The following CLDN14 variants were observed in gnomAD, a reference collection of about 807,000 sequenced individuals.
The protein encoded by CLDN14 is claudin 14.
A neutral mutation model predicts 2.1 loss-of-function variants in CLDN14; 2 were observed. That is an observed-to-expected ratio of 0.96 (90% CI 0.39 to 3.01). The LOEUF is 3.01. Among genes scored for constraint, CLDN14 ranks in the 30% most tolerant of loss-of-function variants. The probability of loss-of-function intolerance (pLI) is 0.09; values close to 1 mark genes in which losing one functional copy is unlikely to be tolerated. For synonymous variants in CLDN14, 136 were observed against 154.4 expected (o/e 0.88, Z 0.88); for missense variants, 298 against 328.0 (o/e 0.91, Z 0.71).
At chr21:36,496,256 T>C (rs2087016294) in intron 2 of CLDN14, among the ~76,000 whole-genome samples, 1 of 151,676 alleles carries the variant, frequency 6.6e-6, no homozygotes, top group Non-Finnish European at 1.5e-5. Context: ...GGCAACATAG[T>C]GAAACCCCAT....
intron 1 of CLDN14, among the ~76,000 whole-genome samples, chr21:36,533,612 G>A (rs988746093): frequency 6.6e-5 from 10 of 152,118 alleles, no homozygotes; most frequent in South Asian, 2.1e-4. Context: ...GGGTGGCAAC[G>A]TCACCATGGT....
At chr21:36,550,207 C>G (rs1398280581) in intron 1 of CLDN14, among the ~76,000 whole-genome samples, 2 of 152,152 alleles carry the variant, frequency 1.3e-5, no homozygotes, top group Admixed American at 6.5e-5. Context: ...TTTAAAAACA[C>G]CCAGTGCATT....
Position 36,497,430 on chromosome 21 carries a change from G to A in CLDN14, c.-82+12933C>T, listed in dbSNP as rs112090285. On this transcript the variant is annotated intron_variant, in intron 2 of 2. Transcript: ENST00000342108. ...GGGAGGGAGGAAGGGAGGGAGGCAGGCGGCAGGCACACGCACACAGGCTCT... is the reference window on the plus strand; with the variant it reads ...GGGAGGGAGGAAGGGAGGGAGGCAGACGGCAGGCACACGCACACAGGCTCT... Among the ~76,000 whole-genome samples, 18 of 138,076 alleles carry A rather than the reference G, an allele frequency of 1.3e-4. 1 individual carries two copies. Among genetic ancestry groups the A allele is most frequent in the African/African-American group, 5.0e-4 (17 of 34,308 alleles). 90.6% of individuals were successfully genotyped at this position (138,076 alleles called of 152,430 possible).
Position 36,461,130 on chromosome 21 carries a change from G to T in CLDN14, c.566C>A (p.Ala189Glu). 1 of 1,614,012 alleles carries T rather than the reference G, an allele frequency of 6.2e-7. No homozygotes were observed. The highest frequency in any genetic ancestry group is 8.5e-7 in the Non-Finnish European group (1 of 1,179,870). The part of the protein sequence containing the change: ...TLLCLSCQDE[A>E]PYRPYQAPPR... ...CGGGGCCTGGTAGGGCCTGTAGGGT[G>T]CCTCGTCCTGGCAGGACAGGCAAAG... Residue 189 changes from alanine (A) to glutamate (E), a missense_variant, in exon 2 of 2, where the codon GCA (alanine) becomes GAA (glutamate). By Grantham distance (107) the Ala-to-Glu change is moderately radical (BLOSUM62 -1). Transcript: ENST00000399135.
At chr21:36,537,145 G>A (rs1230252378) in intron 1 of CLDN14, among the ~76,000 whole-genome samples, 3 of 152,100 alleles carry the variant, frequency 2.0e-5, no homozygotes, top group Non-Finnish European at 4.4e-5. Flanking sequence ...AGCCGGAGAT[G>A]GCGCCATTGC....
chr21:36,574,274 C>T (rs1379870356), intron 1 of CLDN14, among the ~76,000 whole-genome samples: 1 of 152,124 alleles, frequency 6.6e-6, no homozygotes, highest in Non-Finnish European at 1.5e-5. Flanking sequence ...TGATATTCCA[C>T]AAAGATGTCA....
At chr21:36,500,670 G>A (rs1429541796) in intron 2 of CLDN14, among the ~76,000 whole-genome samples, 4 of 152,188 alleles carry the variant, frequency 2.6e-5, no homozygotes, top group African/African-American at 9.7e-5. Flanking sequence ...TGCCTCAAGT[G>A]ATCCACCCGC....
intron 2 of CLDN14, among the ~76,000 whole-genome samples, chr21:36,488,988 C>G (rs915177802): frequency 3.3e-5 from 5 of 151,022 alleles, no homozygotes; most frequent in Admixed American, 2.0e-4. Context: ...CATGCATCTG[C>G]GATCCCAGCT....
At position 36,461,499 on chromosome 21, in the gene CLDN14, A is replaced by G. The variant is rs2086574212; in HGVS notation, c.197T>C (p.Ile66Thr). 1.2e-6 allele frequency: 2 copies of G among 1,613,326 alleles called. No individual in the cohort carries two copies. Among genetic ancestry groups the G allele is most frequent in the Non-Finnish European group, 1.7e-6 (2 of 1,180,008 alleles). Residue 66 changes from isoleucine to threonine, a missense_variant, in exon 2 of 2, where the codon ATC becomes ACC. Transcript: ENST00000399135. ...GGGCAGCGCCAGCAGGGATCGGTAGATCTGGCACTGGTAGATGCCTGTGCT... is the reference window on the plus strand; with the variant it reads ...GGGCAGCGCCAGCAGGGATCGGTAGGTCTGGCACTGGTAGATGCCTGTGCT... ...WHSTGIYQCQ[I>T]YRSLLALPQD... is the part of the protein sequence containing the mutation.
At chr21:36,480,571 C>CT (rs1004762217), upstream of CLDN14, 4 of 152,114 alleles carry the variant, frequency 2.6e-5, no homozygotes, top group African/African-American at 9.7e-5. Flanking sequence ...AATGAAATCT[C>CT]TTGGTGGGAA....
At chr21:36,495,025 C>T (rs1210753340) in intron 2 of CLDN14, among the ~76,000 whole-genome samples, 4 of 152,092 alleles carry the variant, frequency 2.6e-5, no homozygotes, top group Non-Finnish European at 5.9e-5. Context: ...CAAATCCCCC[C>T]ACACAGAAAG....
chr21:36,462,247 G>C (rs150280873), intron 1 of CLDN14, among the ~76,000 whole-genome samples: 5 of 152,190 alleles, frequency 3.3e-5, no homozygotes, highest in Admixed American at 6.5e-5. Flanking sequence ...CCACGTGCTC[G>C]GGCAGGGAGA....
intron 1 of CLDN14, among the ~76,000 whole-genome samples, chr21:36,528,357 GAGAC>G: frequency 6.6e-6 from 1 of 152,314 alleles, no homozygotes; most frequent in East Asian, 1.9e-4. Flanking sequence ...TGTGGAAAGT[GAGAC>G]AGTCCACGTC....
intron 2 of CLDN14, among the ~76,000 whole-genome samples, chr21:36,491,849 C>T (rs219732): frequency 0.45 from 68,119 of 151,944 alleles, 18,206 homozygotes; most frequent in Non-Finnish European, 0.6. Flanking sequence ...CCCAAGCACC[C>T]GCTCTGGGCT....
chr21:36,523,759 A>AAAAAAG (rs1568868783), intron 1 of CLDN14, among the ~76,000 whole-genome samples: 1 of 78,128 alleles, frequency 1.3e-5, no homozygotes, highest in African/African-American at 5.0e-5. Flanking sequence ...AAAAAAAAAA[A>AAAAAAG]AAAGAAAGAA....
intron 2 of CLDN14, among the ~76,000 whole-genome samples, chr21:36,497,991 C>A (rs116983832): frequency 1.2e-4 from 18 of 150,964 alleles, no homozygotes; most frequent in Non-Finnish European, 2.5e-4. Context: ...CTGTTGTCAG[C>A]GAGAGGAAGA....
At chr21:36,570,187 A>G (rs2146529074) in intron 1 of CLDN14, among the ~76,000 whole-genome samples, 1 of 152,344 alleles carries the variant, frequency 6.6e-6, no homozygotes, top group Middle Eastern at 3.4e-3. Flanking sequence ...AAAACCTGGA[A>G]TCAATAGAAC....
intron 2 of CLDN14, chr21:36,485,854 T>A (rs2086889534): frequency 2.9e-5 from 4 of 139,986 alleles, no homozygotes; most frequent in South Asian, 1.9e-4. Flanking sequence ...TTCCATTTCC[T>A]TTTTTTTTTT....
In CLDN14 at chr21:36,513,121, A is replaced by C. The variant is rs921338202; in HGVS notation, c.-219-2621T>G. On this transcript the variant is annotated intron_variant, in intron 1 of 2. Coordinates refer to the CLDN14 transcript ENST00000342108. ...GAGATATCTGGAAAAACATAAAATC[A>C]TGGTGGTCCCATCCCATCCCATCCC... is the stretch of plus-strand genomic sequence containing the variant. Among the ~76,000 whole-genome samples the C allele has an allele frequency of 2.0e-5, 3 of 152,162 alleles. 1 individual carries two copies. In the South Asian group the frequency reaches 6.2e-4, roughly 32 times the overall value.
Sources: allele counts gnomAD v4.1 joint callset (sites outside exome capture counted in the v4.1 genomes callset), GRCh38; gene constraint gnomAD v4.1.1; transcripts MANE v1.5; gene names NCBI Gene and HGNC (gene_info 2026-07-23, HGNC 2026-07-21).